The following GREM1 variants were observed in gnomAD, a reference collection of about 807,000 sequenced individuals.
The protein encoded by GREM1 is gremlin-1.
GREM1 carries 6 observed loss-of-function variants against 13.1 expected under a neutral mutation model. That is an observed-to-expected ratio of 0.46 (90% CI 0.25 to 0.91). The LOEUF (loss-of-function observed/expected upper bound fraction) is 0.91, where lower values mean the gene tolerates loss of function less well. Among genes scored for constraint, GREM1 ranks in the 40% least tolerant of loss-of-function variants. The pLI, the probability that GREM1 is intolerant of heterozygous loss-of-function variation, is 0.18. For missense variants in GREM1, 185 were observed against 233.9 expected, an observed-to-expected ratio of 0.79 and a Z score of 1.36; for synonymous variants, 98 against 93.7, an observed-to-expected ratio of 1.05 and a Z score of -0.27.
intron 1 of GREM1, among the ~76,000 whole-genome samples, chr15:32,719,969 A>G (rs1327420632): frequency 6.6e-6 from 1 of 152,152 alleles, no homozygotes; most frequent in Non-Finnish European, 1.5e-5. Context: ...CCCCAAGCCA[A>G]GTCTATAACA....
At chr15:32,722,781 A>G (rs2140672263) in intron 1 of GREM1, among the ~76,000 whole-genome samples, 1 of 152,340 alleles carries the variant, frequency 6.6e-6, no homozygotes, top group African/African-American at 2.4e-5. Context: ...GGATAGAGGC[A>G]AAGAGAAAAA....
rs1219076049 is a variant in GREM1 at position 32,732,639 on chromosome 15, C to A, written c.*1394C>A. The A allele has an allele frequency of 1.6e-5, 4 of 243,678 alleles. No individual in the cohort carries two copies. Among genetic ancestry groups the A allele is most frequent in the Non-Finnish European group, 3.5e-5 (4 of 115,466 alleles). 15.1% of individuals were successfully genotyped at this position (243,678 alleles called of 1,614,324 possible). A position where few individuals can be genotyped will look rare whatever the true frequency, so the allele number is the denominator to read the frequency against. On this transcript the variant is annotated 3_prime_UTR_variant, in exon 2 of 2. Transcript: ENST00000651154. ...AGGGGACCCTGTTAGGAGAGCATAGCATCATGATGTATTAGCTGTTCATCT... is the reference window on the plus strand; with the variant it reads ...AGGGGACCCTGTTAGGAGAGCATAGAATCATGATGTATTAGCTGTTCATCT...
At chr15:32,728,061 CA>C (rs1187582176) in intron 1 of GREM1, among the ~76,000 whole-genome samples, 7 of 151,986 alleles carry the variant, frequency 4.6e-5, no homozygotes, top group Non-Finnish European at 1.0e-4. Flanking sequence ...CCATACTGCC[CA>C]AAACAATTTA....
At position 32,734,861 on chromosome 15, in the gene GREM1, G is replaced by A. The variant is rs1201515319; in HGVS notation, c.*3616G>A. Reference sequence around the variant, plus strand: ...ACACTTCAGGTTGTGGCAAGGGAGAGCTGGTCTGCAATCGGAAGTACCAGC... The same window carrying A: ...ACACTTCAGGTTGTGGCAAGGGAGAACTGGTCTGCAATCGGAAGTACCAGC... On this transcript the variant is annotated 3_prime_UTR_variant, in exon 2 of 2. Transcript: ENST00000651154. The A allele has an allele frequency of 5.7e-6, 1 of 176,612 alleles. No individual in the cohort carries two copies. The highest frequency in any genetic ancestry group is 1.2e-5 in the Non-Finnish European group (1 of 81,940). The allele number at this position is 176,612 out of a possible 1,614,324, so 10.9% of individuals were successfully genotyped here. A position where few individuals can be genotyped will look rare whatever the true frequency, so the allele number is the denominator to read the frequency against.
At chr15:32,725,812 T>C (rs1186146143) in intron 1 of GREM1, among the ~76,000 whole-genome samples, 1 of 152,244 alleles carries the variant, frequency 6.6e-6, no homozygotes, top group Non-Finnish European at 1.5e-5. Context: ...TTAATTTTTG[T>C]ATAAGGTGTA....
At chr15:32,726,459 C>G (rs973892219) in intron 1 of GREM1, among the ~76,000 whole-genome samples, 9 of 152,130 alleles carry the variant, frequency 5.9e-5, no homozygotes, top group Admixed American at 5.2e-4. Flanking sequence ...AGAACAAAGA[C>G]ACAATATACC....
rs530140870 is a variant in GREM1 at position 32,722,175 on chromosome 15, A to G, written c.-2+4014A>G. 2.6e-5 allele frequency among the ~76,000 whole-genome samples: 4 copies of G among 152,384 alleles called. No individual in the cohort carries two copies. The East Asian group carries it at 7.7e-4, about 29-fold the overall frequency. On this transcript the variant is annotated intron_variant, in intron 1 of 1. Coordinates refer to ENST00000651154, the MANE Select transcript of GREM1 (RefSeq NM_013372.7). ...CAACACAATTATCTTCTTAAAAGTT[A>G]AAGATCAAATTAAAAATAAGCTATA... is the stretch of plus-strand genomic sequence containing the variant.
chr15:32,731,369 C>A lies in GREM1; in HGVS notation c.*124C>A. The A allele has an allele frequency of 1.4e-6, 1 of 717,634 alleles. No homozygotes were observed. Among genetic ancestry groups the A allele is most frequent in the Non-Finnish European group, 2.3e-6 (1 of 426,444 alleles). 44.5% of individuals were successfully genotyped at this position (717,634 alleles called of 1,614,324 possible). A position where few individuals can be genotyped will look rare whatever the true frequency, so the allele number is the denominator to read the frequency against. On this transcript the variant is annotated 3_prime_UTR_variant, in exon 2 of 2. Transcript: ENST00000651154. ...AGAAGAACCCCCAGCTGCCTCCTGGCAGGAGCCTGCTTGTGCGTAGTTCGT... is the reference window on the plus strand; with the variant it reads ...AGAAGAACCCCCAGCTGCCTCCTGGAAGGAGCCTGCTTGTGCGTAGTTCGT...
rs984916341 is a variant in GREM1 at position 32,739,032 on chromosome 15, A to G, written c.*7787A>G. 3.9e-5 allele frequency: 6 copies of G among 152,344 alleles called. No individual in the cohort carries two copies. Among genetic ancestry groups the G allele is most frequent in the South Asian group, 2.1e-4 (1 of 4,828 alleles). 9.4% of individuals were successfully genotyped at this position (152,344 alleles called of 1,614,324 possible). On this transcript the variant is annotated 3_prime_UTR_variant, in exon 2 of 2. Coordinates refer to ENST00000651154, the MANE Select transcript of GREM1 (RefSeq NM_013372.7). ...TATCTGCTGTCACTATTTTTATTCAATATTGTTCTGGAGGTTCTAGCTAGG... is the reference window on the plus strand; with the variant it reads ...TATCTGCTGTCACTATTTTTATTCAGTATTGTTCTGGAGGTTCTAGCTAGG...
intron 1 of GREM1, among the ~76,000 whole-genome samples, chr15:32,723,618 C>G (rs1346018410): frequency 1.5e-5 from 1 of 66,698 alleles, no homozygotes; most frequent in Non-Finnish European, 2.9e-5. Flanking sequence ...GGAAAATGTA[C>G]TTTTCTTTAA....
intron 1 of GREM1, among the ~76,000 whole-genome samples, chr15:32,720,931 C>T (rs760278940): frequency 2.0e-5 from 3 of 152,036 alleles, no homozygotes; most frequent in Non-Finnish European, 2.9e-5. Context: ...CCAAGGAGGA[C>T]GGATCACCTG....
At position 32,730,947 on chromosome 15, in the gene GREM1, G is replaced by T; in HGVS notation, c.257G>T (p.Arg86Leu). 1 of 1,614,100 alleles carries T rather than the reference G, an allele frequency of 6.2e-7. No homozygotes were observed. The highest frequency in any genetic ancestry group is 8.5e-7 in the Non-Finnish European group (1 of 1,180,032). The change falls in exon 2 of 2, where the codon CGC becomes CTC. Residue 86 changes from arginine to leucine, a missense_variant. Physicochemically the swap from Arg to Leu is moderately radical, Grantham distance 102 (BLOSUM62 -2). Transcript: ENST00000651154. ...CAAGAGGCCCTGCATGTGACGGAGCGCAAATACCTGAAGCGAGACTGGTGC... is the reference window on the plus strand; with the variant it reads ...CAAGAGGCCCTGCATGTGACGGAGCTCAAATACCTGAAGCGAGACTGGTGC... ...SSQEALHVTE[R>L]KYLKRDWCKT...
Position 32,730,749 on chromosome 15 carries a change from C to T in GREM1, c.59C>T (p.Pro20Leu). The change falls in exon 2 of 2, where the codon CCG becomes CTG. Residue 20 changes from proline (P) to leucine (L), a missense_variant. Pro to Leu is a moderately conservative substitution (Grantham distance 98). Coordinates refer to ENST00000651154, the MANE Select transcript of GREM1 (RefSeq NM_013372.7). ...CTTCTCCTCTTGGGGACCCTGCTGC[C>T]GGCTGCTGAAGGGAAAAAGAAAGGG... ...ALLLLLGTLL[P>L]AAEGKKKGSQ... 1 of 1,605,320 alleles carries T rather than the reference C, an allele frequency of 6.2e-7. No homozygotes were observed. Among genetic ancestry groups the T allele is most frequent in the Non-Finnish European group, 8.5e-7 (1 of 1,176,470 alleles).
intron 1 of GREM1, among the ~76,000 whole-genome samples, chr15:32,719,418 C>T (rs748464696): frequency 6.6e-6 from 1 of 152,202 alleles, no homozygotes; most frequent in Non-Finnish European, 1.5e-5. Context: ...AATTCCTGCG[C>T]GCCCGGAGCT....
At chr15:32,727,605 A>G (rs1595849094) in intron 1 of GREM1, among the ~76,000 whole-genome samples, 1 of 152,190 alleles carries the variant, frequency 6.6e-6, no homozygotes, top group African/African-American at 2.4e-5. Flanking sequence ...TTCTCTCACC[A>G]CTCCTATTCA....
rs1346555098 is a variant in GREM1, at chr15:32,731,486, A to G, written c.*241A>G. 4 of 555,420 alleles carry G rather than the reference A, an allele frequency of 7.2e-6. No homozygotes were observed. Among genetic ancestry groups the G allele is most frequent in the South Asian group, 5.0e-5 (2 of 39,874 alleles). The allele number at this position is 555,420 out of a possible 1,614,324, so 34.4% of individuals were successfully genotyped here. On this transcript the variant is annotated 3_prime_UTR_variant, in exon 2 of 2. Transcript: ENST00000651154. ...AGAGCACTCCCTATTTTGTAAACATATCTGCTTTAATGGGGATGTACCAGA... is the reference window on the plus strand; with the variant it reads ...AGAGCACTCCCTATTTTGTAAACATGTCTGCTTTAATGGGGATGTACCAGA...
At chr15:32,724,234 GT>G (rs2055458784) in intron 1 of GREM1, among the ~76,000 whole-genome samples, 1 of 152,220 alleles carries the variant, frequency 6.6e-6, no homozygotes, top group African/African-American at 2.4e-5. Flanking sequence ...TCGGATAGAT[GT>G]TTATGGAATC....
rs562454109 is a variant in GREM1, at chr15:32,731,711, TTCC to T, written c.*478_*480del. On this transcript the variant is annotated 3_prime_UTR_variant, in exon 2 of 2. Transcript: ENST00000651154. ...TTTTAACCTGTGCTTGCATCCTCCT[TTCC>T]TCCTCCTCCTCACAATCCATCTCTT... 6.5e-4 allele frequency: 162 copies of T among 250,330 alleles called. No homozygotes were observed. Among genetic ancestry groups the T allele is most frequent in the Middle Eastern group, 1.3e-3 (1 of 758 alleles). 15.5% of individuals were successfully genotyped at this position (250,330 alleles called of 1,614,324 possible). A position where few individuals can be genotyped will look rare whatever the true frequency, so the allele number is the denominator to read the frequency against.
chr15:32,727,117 CA>C (rs1472638501), intron 1 of GREM1, among the ~76,000 whole-genome samples: 2 of 152,238 alleles, frequency 1.3e-5, no homozygotes, highest in African/African-American at 4.8e-5. Context: ...GAAACTATTC[CA>C]AACAATAGAA....
Sources: gnomAD v4.1 joint callset for allele counts (sites outside exome capture counted in the v4.1 genomes callset) on GRCh38, gnomAD v4.1.1 for gene constraint, MANE v1.5 for transcripts, NCBI Gene and HGNC (gene_info 2026-07-23, HGNC 2026-07-21) for gene names.